Variants in CHCHD6 observed in about 807,000 individuals in gnomAD.
CHCHD6 encodes coiled-coil-helix-coiled-coil-helix domain containing 6.
A neutral mutation model predicts 32.3 loss-of-function variants in CHCHD6; 28 were observed. The ratio of observed to expected loss-of-function variants is 0.87; its 90% CI spans 0.64 to 1.19. CHCHD6 has a LOEUF of 1.19. CHCHD6 is among the 50% of genes most tolerant of loss of function. The pLI is 0.00. For synonymous variants in CHCHD6, 122 were observed against 117.5 expected (o/e 1.04, Z -0.25); for missense variants, 333 against 307.0 (o/e 1.08, Z -0.63).
chr3:126,818,222 T>A (rs1178802367), intron 4 of CHCHD6, among the ~76,000 whole-genome samples: 2 of 152,210 alleles, frequency 1.3e-5, no homozygotes, highest in Non-Finnish European at 2.9e-5. Context: ...GAAATCAGTA[T>A]TTTCCACCTT....
intron 4 of CHCHD6, among the ~76,000 whole-genome samples, chr3:126,758,884 T>TGTCC (rs1162879677): frequency 2.6e-5 from 4 of 152,326 alleles, no homozygotes; most frequent in African/African-American, 9.6e-5. Context: ...TAATAGAAGC[T>TGTCC]CATTTCCTTT....
intron 4 of CHCHD6, among the ~76,000 whole-genome samples, chr3:126,830,426 C>T (rs931216936): frequency 2.0e-5 from 3 of 152,228 alleles, no homozygotes; most frequent in Non-Finnish European, 2.9e-5. Context: ...ATGCACCCTG[C>T]ATGCCTGGGG....
intron 5 of CHCHD6, among the ~76,000 whole-genome samples, chr3:126,900,602 C>CTTCT (rs377087444): frequency 8.6e-6 from 1 of 116,816 alleles, no homozygotes; most frequent in Non-Finnish European, 1.7e-5. Flanking sequence ...GTGTGACACA[C>CTTCT]TTTTTTTTTT....
At chr3:126,944,461 G>A (rs1042431383) in intron 6 of CHCHD6, among the ~76,000 whole-genome samples, 2 of 152,384 alleles carry the variant, frequency 1.3e-5, no homozygotes, top group East Asian at 3.9e-4. Flanking sequence ...GAGGTAATAA[G>A]CTGTGGTTCC....
intron 5 of CHCHD6, among the ~76,000 whole-genome samples, chr3:126,890,731 A>C (rs1432458458): frequency 6.6e-6 from 1 of 152,246 alleles, no homozygotes; most frequent in Non-Finnish European, 1.5e-5. Context: ...ATGATTATTT[A>C]TATAACTTAA....
chr3:126,927,891 G>A (rs759128517), intron 6 of CHCHD6, among the ~76,000 whole-genome samples: 1 of 152,202 alleles, frequency 6.6e-6, no homozygotes, highest in Non-Finnish European at 1.5e-5. Flanking sequence ...CATCAGTTAT[G>A]TCTAGTTATT....
chr3:126,878,811 A>G (rs578143904), intron 5 of CHCHD6, among the ~76,000 whole-genome samples: 28 of 152,328 alleles, frequency 1.8e-4, no homozygotes, highest in African/African-American at 6.7e-4. Context: ...CAGTTTATCT[A>G]TGCCTGCATC....
intron 6 of CHCHD6, among the ~76,000 whole-genome samples, chr3:126,952,040 C>T (rs779366953): frequency 2.0e-5 from 3 of 152,182 alleles, no homozygotes; most frequent in Non-Finnish European, 4.4e-5. Context: ...GGTAATGCTT[C>T]GCACATTGTG....
chr3:126,847,384 A>G (rs1355711183), intron 4 of CHCHD6, among the ~76,000 whole-genome samples: 1 of 152,144 alleles, frequency 6.6e-6, no homozygotes, highest in Non-Finnish European at 1.5e-5. Context: ...TTACTATGTA[A>G]TTTTGGCCTT....
intron 4 of CHCHD6, among the ~76,000 whole-genome samples, chr3:126,771,386 G>A (rs2107676983): frequency 6.6e-6 from 1 of 151,558 alleles, no homozygotes; most frequent in Non-Finnish European, 1.5e-5. Flanking sequence ...TTGTATTTTA[G>A]TATAGACGGG....
intron 1 of CHCHD6, among the ~76,000 whole-genome samples, chr3:126,722,852 G>A (rs1935370816): frequency 6.6e-6 from 1 of 152,060 alleles, no homozygotes; most frequent in African/African-American, 2.4e-5. Flanking sequence ...CATGCTTTTG[G>A]TGTCATCTCT....
chr3:126,896,631 A>G (rs1026942047), intron 5 of CHCHD6, among the ~76,000 whole-genome samples: 4 of 152,202 alleles, frequency 2.6e-5, no homozygotes, highest in Admixed American at 6.5e-5. Context: ...TGCTTGGCCC[A>G]GCTCTTCTTC....
intron 5 of CHCHD6, among the ~76,000 whole-genome samples, chr3:126,866,498 T>C (rs1329639413): frequency 6.6e-6 from 1 of 152,250 alleles, no homozygotes; most frequent in East Asian, 1.9e-4. Flanking sequence ...AGAAACAGGC[T>C]TGGAAATCTA....
chr3:126,929,226 T>C (rs2078367839), intron 6 of CHCHD6, among the ~76,000 whole-genome samples: 1 of 152,168 alleles, frequency 6.6e-6, no homozygotes, highest in African/African-American at 2.4e-5. Flanking sequence ...CTCCACCTGC[T>C]CCCTTTTAGA....
chr3:126,901,949 TCTC>T (rs1353796706), intron 5 of CHCHD6, among the ~76,000 whole-genome samples: 13 of 152,300 alleles, frequency 8.5e-5, no homozygotes, highest in African/African-American at 3.1e-4. Context: ...GAGGGACAGA[TCTC>T]CTAGATAGCT....
At chr3:126,713,303 C>A (rs1323536563) in intron 1 of CHCHD6, among the ~76,000 whole-genome samples, 1 of 152,214 alleles carries the variant, frequency 6.6e-6, no homozygotes, top group Non-Finnish European at 1.5e-5. Flanking sequence ...CTCCCAGAGG[C>A]AGCCCGTGAC....
chr3:126,858,880 G>T lies in CHCHD6; in HGVS notation c.495+6150G>T, dbSNP rs566278236. Among the ~76,000 whole-genome samples, 7 of 152,338 alleles carry T rather than the reference G, an allele frequency of 4.6e-5. No homozygotes were observed. The East Asian group carries it at 1.2e-3, about 25-fold the overall frequency. On this transcript the variant is annotated intron_variant, in intron 5 of 7. Transcript: ENST00000290913. The stretch of plus-strand genomic sequence containing the variant: ...GTCATGGGCACAGAATGAGGGCTGG[G>T]TGTGGAGCTACACCTCACTGGAGTG...
chr3:126,772,079 A>G (rs890821394), intron 4 of CHCHD6, among the ~76,000 whole-genome samples: 5 of 152,022 alleles, frequency 3.3e-5, no homozygotes, highest in Admixed American at 2.0e-4. Flanking sequence ...ACCTACTATT[A>G]TGTAGGAATG....
intron 5 of CHCHD6, among the ~76,000 whole-genome samples, chr3:126,876,709 A>G (rs116772912): frequency 0.012 from 1,814 of 152,378 alleles, 20 homozygotes; most frequent in Middle Eastern, 0.048. Context: ...TGAATGTCGC[A>G]TCACAGAAAT....
Sources: allele counts gnomAD v4.1 joint callset (sites outside exome capture counted in the v4.1 genomes callset), GRCh38; gene constraint gnomAD v4.1.1; transcripts MANE v1.5; gene names NCBI Gene and HGNC (gene_info 2026-07-23, HGNC 2026-07-21).